FLG: variants seen among roughly 807,000 people sequenced by gnomAD.
FLG encodes filaggrin, also known as epidermal filaggrin.
Under a neutral mutation model 3.8 loss-of-function variants are expected in FLG, and 6 were observed. The observed-to-expected ratio is 1.60, with a 90% CI of 0.87 to 3.15. FLG has a LOEUF of 3.15. Among genes scored for constraint, FLG ranks in the 30% most tolerant of loss-of-function variants. The pLI is 0.00. For missense variants in FLG, 7,595 were observed against 5,050.9 expected (o/e 1.50, Z -15.27); for synonymous variants, 2,551 against 1,931.6 (o/e 1.32, Z -8.41).
rs761429483 is a variant in FLG at position 152,311,912 on chromosome 1, T to C, written c.2974A>G (p.Arg992Gly). Residue 992 changes from arginine to glycine, a missense_variant, in exon 3 of 3, where the codon AGA becomes GGA. Coordinates refer to ENST00000368799, the MANE Select transcript of FLG (RefSeq NM_002016.2). ...TCTGCAGAGTGCCCGTGACCGGCTCTGTCTTCGTGATGGGACCTGGGGTGT... is the reference window on the plus strand; with the variant it reads ...TCTGCAGAGTGCCCGTGACCGGCTCCGTCTTCGTGATGGGACCTGGGGTGT... ...SRHPRSHHED[R>G]AGHGHSADSS... is the part of the protein sequence containing the mutation. The C allele has an allele frequency of 5.0e-6, 8 of 1,614,044 alleles. No individual in the cohort carries two copies. In the South Asian group the frequency reaches 5.5e-5, roughly 11 times the overall value.
In FLG at chr1:152,305,156, G is replaced by T; in HGVS notation, c.9730C>A (p.Gln3244Lys). 1 of 1,613,852 alleles carries T rather than the reference G, an allele frequency of 6.2e-7. No homozygotes were observed. Among genetic ancestry groups the T allele is most frequent in the Non-Finnish European group, 8.5e-7 (1 of 1,179,966 alleles). ...CTGGAGCCGTGCCTTGACTGCTCCT[G>T]AACAGATCCACGATGGTTTCTGGAA... ...SASRNHRGSV[Q>K]EQSRHGSRHP... Residue 3244 changes from glutamine (Q) to lysine (K), a missense_variant, in exon 3 of 3, where the codon CAG becomes AAG. Transcript: ENST00000368799.
Position 152,308,803 on chromosome 1 carries a change from G to A in FLG, c.6083C>T (p.Ser2028Leu). The A allele has an allele frequency of 1.9e-6, 3 of 1,614,188 alleles. No individual in the cohort carries two copies. Among genetic ancestry groups the A allele is most frequent in the South Asian group, 2.2e-5 (2 of 91,082 alleles). Residue 2028 changes from serine (S) to leucine (L), a missense_variant, in exon 3 of 3, where the codon TCA becomes TTA. By Grantham distance (145) the Ser-to-Leu change is moderately radical. Coordinates refer to ENST00000368799, the MANE Select transcript of FLG (RefSeq NM_002016.2). ...RHSGIGHGQASSAVRDSGHRG... is the reference protein window; with the variant it reads ...RHSGIGHGQALSAVRDSGHRG... ...GTGTCCACTGTCTCTGACTGCAGAT[G>A]AAGCTTGTCCATGCCCAATGCCTGA...
At position 152,314,283 on chromosome 1, in the gene FLG, A is replaced by G; in HGVS notation, c.603T>C (p.Ser201=). 6.2e-7 allele frequency: 1 copy of G among 1,611,238 alleles called. No homozygotes were observed. Among genetic ancestry groups the G allele is most frequent in the Non-Finnish European group, 8.5e-7 (1 of 1,179,194 alleles). ...TRLGDNRKRL[S]ERLEEKEDNE... ...TGTCTTCTTTCTCTTCAAGTCTTTC[A>G]CTTAGCCTCTTCCTATTGTCTCCTA... The change falls in exon 3 of 3, where the codon AGT becomes AGC. Residue 201 remains serine (S), a synonymous_variant. Transcript: ENST00000368799.
rs750565798 is a variant in FLG at position 152,311,216 on chromosome 1, T to G, written c.3670A>C (p.Lys1224Gln). Residue 1224 changes from lysine (K) to glutamine (Q), a missense_variant, in exon 3 of 3, where the codon AAA becomes CAA. Coordinates refer to ENST00000368799, the MANE Select transcript of FLG (RefSeq NM_002016.2). ...TGCCTGGAGCCGTCTCCTGATTGTT[T>G]GTCCTTACGAGTTTGTCTGCTTGCA... Reference protein sequence around the residue: ...RSASRQTRKDKQSGDGSRHSG... With the variant: ...RSASRQTRKDQQSGDGSRHSG... The G allele has an allele frequency of 6.2e-7, 1 of 1,613,058 alleles. No individual in the cohort carries two copies. Among genetic ancestry groups the G allele is most frequent in the African/African-American group, 1.3e-5 (1 of 74,568 alleles).
At chr1:152,319,587 C>T (rs566506517) in intron 1 of FLG, among the ~76,000 whole-genome samples, 1 of 151,336 alleles carries the variant, frequency 6.6e-6, no homozygotes, top group Non-Finnish European at 1.5e-5. Flanking sequence ...TAAGAGCAGA[C>T]AGAGAAACAC....
Position 152,312,788 on chromosome 1 carries a change from C to T in FLG, c.2098G>A (p.Ala700Thr). The T allele has an allele frequency of 1.9e-6, 3 of 1,614,000 alleles. No individual in the cohort carries two copies. The highest frequency in any genetic ancestry group is 1.1e-5 in the South Asian group (1 of 91,068). Reference sequence around the variant, plus strand: ...TGTCTTTCTCCTGCACTTGATCTTGCCTGTTCATGGGATGACGCAGCCTGT... The same window carrying T: ...TGTCTTTCTCCTGCACTTGATCTTGTCTGTTCATGGGATGACGCAGCCTGT... ...SGQAASSHEQ[A>T]RSSAGERHGS... Residue 700 changes from alanine to threonine, a missense_variant, in exon 3 of 3, where the codon GCA becomes ACA. Physicochemically the swap from Ala to Thr is moderately conservative, Grantham distance 58. Coordinates refer to ENST00000368799, the MANE Select transcript of FLG (RefSeq NM_002016.2).
Position 152,311,041 on chromosome 1 carries a change from T to A in FLG, c.3845A>T (p.Asp1282Val), listed in dbSNP as rs1181061707. 2 of 1,613,310 alleles carry A rather than the reference T, an allele frequency of 1.2e-6. No homozygotes were observed. The highest frequency in any genetic ancestry group is 2.2e-5 in the East Asian group (1 of 44,826). Reference protein sequence around the residue: ...QDSDSERHSDDSERLSGSASR... With the variant: ...QDSDSERHSDVSERLSGSASR... ...AGCAGACCCAGACAACCTCTCGGAGTCGTCTGAGTGTCTCTCACTGTCACT... is the reference window on the plus strand; with the variant it reads ...AGCAGACCCAGACAACCTCTCGGAGACGTCTGAGTGTCTCTCACTGTCACT... Residue 1282 changes from aspartate to valine, a missense_variant, in exon 3 of 3, where the codon GAC becomes GTC. By Grantham distance (152) the Asp-to-Val change is radical. Coordinates refer to ENST00000368799, the MANE Select transcript of FLG (RefSeq NM_002016.2).
rs1205376948 is a variant in FLG, at chr1:152,306,364, G to C, written c.8522C>G (p.Thr2841Arg). 1.2e-6 allele frequency: 2 copies of C among 1,601,894 alleles called. No individual in the cohort carries two copies. Among genetic ancestry groups the C allele is most frequent in the African/African-American group, 1.6e-5 (1 of 63,486 alleles). The part of the protein sequence containing the change: ...QSGSRSASRT[T>R]RNEEQSGDGS... ...GTCTCCTGATTGTTCCTCATTACGTGTTGTTCTGCTTGCACTTCTGGATCC... is the reference window on the plus strand; with the variant it reads ...GTCTCCTGATTGTTCCTCATTACGTCTTGTTCTGCTTGCACTTCTGGATCC... The change falls in exon 3 of 3, where the codon ACA (threonine) becomes AGA (arginine). Residue 2841 changes from threonine (T) to arginine (R), a missense_variant. Coordinates refer to ENST00000368799, the MANE Select transcript of FLG (RefSeq NM_002016.2).
chr1:152,313,885 C>G lies in FLG; in HGVS notation c.1001G>C (p.Arg334Thr). ...GTCTTCATCATGGGACCTGGGGTGT[C>G]TGGAGCCATCTCTTGACTGCTCCCA... ...SAWEQSRDGS[R>T]HPRSHDEDRA... The change falls in exon 3 of 3, where the codon AGA (arginine) becomes ACA (threonine). Residue 334 changes from arginine (R) to threonine (T), a missense_variant. Arg to Thr is a moderately conservative substitution (Grantham distance 71, BLOSUM62 -1). Transcript: ENST00000368799. The G allele has an allele frequency of 6.2e-7, 1 of 1,614,072 alleles. No homozygotes were observed. The highest frequency in any genetic ancestry group is 1.7e-4 in the Middle Eastern group (1 of 6,058).
At chr1:152,322,447 T>C (rs1283792576) in intron 1 of FLG, among the ~76,000 whole-genome samples, 2 of 151,154 alleles carry the variant, frequency 1.3e-5, no homozygotes, top group Non-Finnish European at 3.0e-5. Flanking sequence ...AAAAATCAAT[T>C]GTATTTCTAT....
rs777035408 is a variant in FLG at position 152,311,716 on chromosome 1, G to T, written c.3170C>A (p.Ala1057Glu). Residue 1057 changes from alanine to glutamate, a missense_variant, in exon 3 of 3, where the codon GCA (alanine) becomes GAA (glutamate). Coordinates refer to ENST00000368799, the MANE Select transcript of FLG (RefSeq NM_002016.2). ...SGIPRRQASS[A>E]VRDSGHWGSS... ...CCCCCAGTGTCCACTGTCTCTGACT[G>T]CAGATGAAGCTTGTCTGCGCGGAAT... is the stretch of plus-strand genomic sequence containing the variant. 6.2e-7 allele frequency: 1 copy of T among 1,614,082 alleles called. No homozygotes were observed.
At chr1:152,318,605 T>A (rs184116879) in intron 1 of FLG, among the ~76,000 whole-genome samples, 379 of 151,994 alleles carry the variant, frequency 2.5e-3, no homozygotes, top group Non-Finnish European at 3.6e-3. Flanking sequence ...GGCAATGTCA[T>A]TGGATCCCAT....
rs866309747 is a variant in FLG, at chr1:152,306,372, G to T, written c.8514C>A (p.Ser2838Arg). 5.6e-6 allele frequency: 9 copies of T among 1,602,202 alleles called. 1 individual carries two copies. In the Middle Eastern group the frequency reaches 1.5e-3, roughly 265 times the overall value. ...SRGQSGSRSASRTTRNEEQSG... is the reference protein window; with the variant it reads ...SRGQSGSRSARRTTRNEEQSG... ...ATTGTTCCTCATTACGTGTTGTTCTGCTTGCACTTCTGGATCCTGACTGCC... is the reference window on the plus strand; with the variant it reads ...ATTGTTCCTCATTACGTGTTGTTCTTCTTGCACTTCTGGATCCTGACTGCC... Residue 2838 changes from serine (S) to arginine (R), a missense_variant, in exon 3 of 3, where the codon AGC becomes AGA. Coordinates refer to ENST00000368799, the MANE Select transcript of FLG (RefSeq NM_002016.2).
At position 152,310,912 on chromosome 1, in the gene FLG, C is replaced by T. The variant is rs778042770; in HGVS notation, c.3974G>A (p.Ser1325Asn). Residue 1325 changes from serine (S) to asparagine (N), a missense_variant, in exon 3 of 3, where the codon AGC becomes AAC. Transcript: ENST00000368799. The part of the protein sequence containing the change: ...DRASHGHSAD[S>N]SRQSGTHHTE... Reference sequence around the variant, plus strand: ...GTGATGAGTGCCTGATTGTCTGGAGCTGTCTGCAGAGTGCCCGTGACTGGC... The same window carrying T: ...GTGATGAGTGCCTGATTGTCTGGAGTTGTCTGCAGAGTGCCCGTGACTGGC... The T allele has an allele frequency of 1.7e-5, 28 of 1,614,116 alleles. No homozygotes were observed. The South Asian group carries it at 1.9e-4, about 11-fold the overall frequency.
chr1:152,313,493 A>T lies in FLG; in HGVS notation c.1393T>A (p.Ser465Thr), dbSNP rs1652606648. The T allele has an allele frequency of 3.7e-6, 6 of 1,613,674 alleles. No homozygotes were observed. Among genetic ancestry groups the T allele is most frequent in the Non-Finnish European group, 4.2e-6 (5 of 1,179,952 alleles). The stretch of plus-strand genomic sequence containing the variant: ...CTCACCTGGTAGAGGGAAGACCCTG[A>T]ACGTCCAGACCGTTCCCCTGACCGG... ...RGRSGERSGR[S>T]GSSLYQVSTH... Residue 465 changes from serine to threonine, a missense_variant, in exon 3 of 3, where the codon TCA becomes ACA. Coordinates refer to ENST00000368799, the MANE Select transcript of FLG (RefSeq NM_002016.2).
In FLG at chr1:152,312,008, C is replaced by T; in HGVS notation, c.2878G>A (p.Glu960Lys). Reference protein sequence around the residue: ...SDSEGHSEDSERWSGSASRNH... With the variant: ...SDSEGHSEDSKRWSGSASRNH... ...CTGGAAGCAGACCCAGACCACCTCTCAGAGTCTTCTGAATGTCCCTCACTG... is the reference window on the plus strand; with the variant it reads ...CTGGAAGCAGACCCAGACCACCTCTTAGAGTCTTCTGAATGTCCCTCACTG... The change falls in exon 3 of 3, where the codon GAG (glutamate) becomes AAG (lysine). Residue 960 changes from glutamate (E) to lysine (K), a missense_variant. Transcript: ENST00000368799. The T allele has an allele frequency of 1.9e-6, 3 of 1,614,118 alleles. No individual in the cohort carries two copies. Among genetic ancestry groups the T allele is most frequent in the Non-Finnish European group, 2.5e-6 (3 of 1,180,020 alleles).
chr1:152,311,028 C>T lies in FLG; in HGVS notation c.3858G>A (p.Leu1286=), dbSNP rs367739212. Residue 1286 remains leucine, a synonymous_variant, in exon 3 of 3, where the codon TTG becomes TTA. Coordinates refer to ENST00000368799, the MANE Select transcript of FLG (RefSeq NM_002016.2). ...SERHSDDSER[L]SGSASRNHHG... is the part of the protein sequence containing the mutation. ...GATGGTTTCTGGAAGCAGACCCAGACAACCTCTCGGAGTCGTCTGAGTGTC... is the reference window on the plus strand; with the variant it reads ...GATGGTTTCTGGAAGCAGACCCAGATAACCTCTCGGAGTCGTCTGAGTGTC... 6.2e-6 allele frequency: 10 copies of T among 1,613,826 alleles called. No homozygotes were observed. In the East Asian group the frequency reaches 8.9e-5, roughly 14 times the overall value.
rs756847247 is a variant in FLG at position 152,313,959 on chromosome 1, G to A, written c.927C>T (p.Asp309=). 2.0e-5 allele frequency: 32 copies of A among 1,614,002 alleles called. No individual in the cohort carries two copies. Among genetic ancestry groups the A allele is most frequent in the African/African-American group, 2.7e-5 (2 of 74,886 alleles). Residue 309 remains aspartate (D), a synonymous_variant, in exon 3 of 3, where the codon GAC becomes GAT. Coordinates refer to ENST00000368799, the MANE Select transcript of FLG (RefSeq NM_002016.2). ...AAGCCGACCCAGAGTGCCTCTCAGA[G>A]TCTTCTGAGTGTCCCTCACTGTCCC... The part of the protein sequence containing the change: ...QDRDSEGHSE[D]SERHSGSASR...
At position 152,311,323 on chromosome 1, in the gene FLG, G is replaced by T. The variant is rs532746197; in HGVS notation, c.3563C>A (p.Ser1188Tyr). 8.7e-6 allele frequency: 14 copies of T among 1,613,844 alleles called. No individual in the cohort carries two copies. The East Asian group carries it at 2.7e-4, about 31-fold the overall frequency. ...GSHHEQSVDRSGHSGSHHSHT... is the reference protein window; with the variant it reads ...GSHHEQSVDRYGHSGSHHSHT... Reference sequence around the variant, plus strand: ...GCTGTGATGGGACCCTGAGTGTCCAGATCTATCTACCGATTGCTCATGGTG... The same window carrying T: ...GCTGTGATGGGACCCTGAGTGTCCATATCTATCTACCGATTGCTCATGGTG... Residue 1188 changes from serine (S) to tyrosine (Y), a missense_variant, in exon 3 of 3, where the codon TCT becomes TAT. Ser to Tyr is a moderately radical substitution (Grantham distance 144). Transcript: ENST00000368799.
Sources: gnomAD v4.1 joint callset for allele counts (sites outside exome capture counted in the v4.1 genomes callset) on GRCh38, gnomAD v4.1.1 for gene constraint, MANE v1.5 for transcripts, NCBI Gene and HGNC (gene_info 2026-07-23, HGNC 2026-07-21) for gene names.